ZNF532: variants seen among roughly 807,000 people sequenced by gnomAD.
ZNF532 encodes the protein zinc finger protein 532.
In ZNF532, 22 loss-of-function variants were observed where a neutral mutation model predicts 89.3. That is an observed-to-expected ratio of 0.25 (90% CI 0.18 to 0.35). The LOEUF is 0.35. Ranked by LOEUF, ZNF532 falls within the 10% of genes least tolerant of loss-of-function variation. The pLI, the probability that ZNF532 is intolerant of heterozygous loss-of-function variation, is 1.00. For missense variants in ZNF532, 1,132 were observed against 1,643.4 expected (o/e 0.69, Z 5.38); for synonymous variants, 606 against 649.6 (o/e 0.93, Z 1.02).
At chr18:58,970,832 C>T (rs1452749543) in intron 7 of ZNF532, among the ~76,000 whole-genome samples, 2 of 152,198 alleles carry the variant, frequency 1.3e-5, no homozygotes, top group African/African-American at 4.8e-5. Context: ...AGGCCCCTGG[C>T]AGGCATGTAC....
At chr18:58,947,275 C>T (rs939641550) in intron 5 of ZNF532, among the ~76,000 whole-genome samples, 1 of 152,122 alleles carries the variant, frequency 6.6e-6, no homozygotes, top group East Asian at 1.9e-4. Context: ...GCAGGGTAGA[C>T]GCAGCCCTTT....
At chr18:58,866,043 G>A (rs566531022) in intron 2 of ZNF532, among the ~76,000 whole-genome samples, 2 of 152,186 alleles carry the variant, frequency 1.3e-5, no homozygotes, top group African/African-American at 4.8e-5. Flanking sequence ...TTGCTCTCTT[G>A]TGTTAACCTG....
chr18:58,906,980 G>A (rs1361981210), intron 2 of ZNF532, among the ~76,000 whole-genome samples: 1 of 152,170 alleles, frequency 6.6e-6, no homozygotes, highest in Non-Finnish European at 1.5e-5. Flanking sequence ...AAATGTCAGA[G>A]TTTTGCATTT....
At chr18:58,933,776 AT>A (rs2062148415) in intron 3 of ZNF532, among the ~76,000 whole-genome samples, 1 of 152,162 alleles carries the variant, frequency 6.6e-6, no homozygotes, top group African/African-American at 2.4e-5. Context: ...CCTTAATTTT[AT>A]TTTATACATA....
At chr18:58,948,594 G>A (rs888746125) in intron 6 of ZNF532, among the ~76,000 whole-genome samples, 1 of 139,804 alleles carries the variant, frequency 7.2e-6, no homozygotes, top group Non-Finnish European at 1.5e-5. Context: ...TTGAGACAGA[G>A]TCTCCCTCTG....
chr18:58,978,559 G>GT lies in ZNF532; in HGVS notation c.3151-493dup, dbSNP rs542639542. Among the ~76,000 whole-genome samples the GT allele has an allele frequency of 7.2e-5, 11 of 152,156 alleles. No homozygotes were observed. The South Asian group carries it at 2.3e-3, about 32-fold the overall frequency. ...GAGAATTTTTTTTACCCTTATGATA[G>GT]TTTAACCCATCCTCCTAAAATTAGC... On this transcript the variant is annotated intron_variant, in intron 7 of 9. Transcript: ENST00000591808.
At chr18:58,949,607 C>T (rs2063969908) in intron 6 of ZNF532, among the ~76,000 whole-genome samples, 2 of 152,166 alleles carry the variant, frequency 1.3e-5, no homozygotes, top group African/African-American at 4.8e-5. Flanking sequence ...ACTCAGGAGG[C>T]AGAGATCTCA....
chr18:58,901,914 G>A (rs7239279), intron 2 of ZNF532, among the ~76,000 whole-genome samples: 1,643 of 152,248 alleles, frequency 0.011, 23 homozygotes, highest in Middle Eastern at 0.044. Flanking sequence ...TTCCCTCCCT[G>A]AGGCTGCCTC....
chr18:58,975,286 G>A (rs1487910762), intron 7 of ZNF532, among the ~76,000 whole-genome samples: 4 of 152,162 alleles, frequency 2.6e-5, no homozygotes, highest in South Asian at 2.1e-4. Flanking sequence ...GGTCGTTAAG[G>A]AGGCTCTTGC....
intron 2 of ZNF532, among the ~76,000 whole-genome samples, chr18:58,871,700 T>C (rs1314753488): frequency 1.3e-5 from 2 of 152,236 alleles, no homozygotes; most frequent in African/African-American, 2.4e-5. Context: ...CGTGAGAATA[T>C]GCAGTGGAGA....
intron 4 of ZNF532, among the ~76,000 whole-genome samples, chr18:58,936,790 G>GGA (rs1568366676): frequency 2.0e-5 from 3 of 151,998 alleles, no homozygotes; most frequent in African/African-American, 7.3e-5. Context: ...TGCTTCATAT[G>GGA]AGGGTCCAGG....
intron 2 of ZNF532, among the ~76,000 whole-genome samples, chr18:58,903,884 C>T (rs1172779696): frequency 6.6e-6 from 1 of 152,060 alleles, no homozygotes; most frequent in African/African-American, 2.4e-5. Context: ...AAGTTTAAAC[C>T]GTGGACAATG....
chr18:58,874,985 A>T (rs1404634194), intron 2 of ZNF532, among the ~76,000 whole-genome samples: 1 of 152,168 alleles, frequency 6.6e-6, no homozygotes, highest in African/African-American at 2.4e-5. Flanking sequence ...CTAGCCACAT[A>T]TGACTACTGA....
intron 7 of ZNF532, among the ~76,000 whole-genome samples, chr18:58,975,543 G>C (rs546945635): frequency 6.6e-6 from 1 of 152,324 alleles, no homozygotes; most frequent in South Asian, 2.1e-4. Flanking sequence ...CGGGAAGAAT[G>C]GCCTGCCAAG....
chr18:58,891,153 T>C (rs555762574), intron 2 of ZNF532, among the ~76,000 whole-genome samples: 7 of 152,262 alleles, frequency 4.6e-5, no homozygotes, highest in Admixed American at 3.9e-4. Context: ...TCCCTTGATC[T>C]TGTGATCTGC....
At chr18:58,970,168 G>A (rs934725579) in intron 7 of ZNF532, among the ~76,000 whole-genome samples, 2 of 152,198 alleles carry the variant, frequency 1.3e-5, no homozygotes, top group Non-Finnish European at 2.9e-5. Flanking sequence ...ACAGGCGTGA[G>A]CCGCTGTGCC....
chr18:58,940,983 C>T (rs1441227531), intron 5 of ZNF532, among the ~76,000 whole-genome samples: 2 of 149,010 alleles, frequency 1.3e-5, no homozygotes, highest in Non-Finnish European at 3.0e-5. Flanking sequence ...CTCTCTCTCT[C>T]TCTCTCTCCT....
chr18:58,891,274 A>G (rs573381241), intron 2 of ZNF532, among the ~76,000 whole-genome samples: 78 of 152,258 alleles, frequency 5.1e-4, no homozygotes, highest in Non-Finnish European at 7.5e-4. Context: ...TCACGCCTGT[A>G]ATCCCAGCAC....
chr18:58,868,375 G>T (rs1440202836), intron 2 of ZNF532, among the ~76,000 whole-genome samples: 1 of 152,154 alleles, frequency 6.6e-6, no homozygotes, highest in Non-Finnish European at 1.5e-5. Context: ...GTGGTGTACC[G>T]TTCTGTGGGT....
Sources: gnomAD v4.1 joint callset for allele counts (sites outside exome capture counted in the v4.1 genomes callset) on GRCh38, gnomAD v4.1.1 for gene constraint, MANE v1.5 for transcripts, NCBI Gene and HGNC (gene_info 2026-07-23, HGNC 2026-07-21) for gene names.